LRRTM4: variants seen among roughly 807,000 people sequenced by gnomAD.
LRRTM4 encodes leucine-rich repeat transmembrane neuronal protein 4.
In LRRTM4, 25 loss-of-function variants were observed where a neutral mutation model predicts 47.6. That is an observed-to-expected ratio of 0.53 (90% confidence interval 0.38 to 0.73). LRRTM4 has a LOEUF of 0.73. Ranked by LOEUF, LRRTM4 falls within the 30% of genes least tolerant of loss-of-function variation. LRRTM4 has a pLI of 0.00. For missense variants in LRRTM4, 638 were observed against 713.4 expected (o/e 0.89, Z 1.20); for synonymous variants, 311 against 269.5 (o/e 1.15, Z -1.51).
chr2:77,082,216 C>T (rs908685228), intron 3 of LRRTM4, among the ~76,000 whole-genome samples: 1 of 151,906 alleles, frequency 6.6e-6, no homozygotes, highest in Non-Finnish European at 1.5e-5. Context: ...TTGATGTGCC[C>T]TTTTGGATTT....
chr2:77,336,611 A>G (rs1415803131), intron 3 of LRRTM4, among the ~76,000 whole-genome samples: 8 of 152,136 alleles, frequency 5.3e-5, no homozygotes, highest in African/African-American at 1.9e-4. Flanking sequence ...TAAAAGCAAA[A>G]AGCTATATGC....
intron 3 of LRRTM4, among the ~76,000 whole-genome samples, chr2:77,289,678 G>T (rs866884031): frequency 6.6e-6 from 1 of 151,918 alleles, no homozygotes; most frequent in African/African-American, 2.4e-5. Context: ...TCTATTTCTG[G>T]CTACAATGTA....
intron 3 of LRRTM4, among the ~76,000 whole-genome samples, chr2:77,290,304 T>A (rs763501878): frequency 6.6e-6 from 1 of 151,886 alleles, no homozygotes; most frequent in South Asian, 2.1e-4. Flanking sequence ...GAAGTTCTAT[T>A]TGACATATGT....
intron 3 of LRRTM4, among the ~76,000 whole-genome samples, chr2:77,144,134 A>G (rs1295638783): frequency 1.3e-5 from 2 of 152,146 alleles, no homozygotes; most frequent in Non-Finnish European, 2.9e-5. Flanking sequence ...CTCTGGAGCT[A>G]GAATGCTATT....
chr2:77,410,268 A>G (rs939204791), intron 3 of LRRTM4, among the ~76,000 whole-genome samples: 2 of 152,110 alleles, frequency 1.3e-5, no homozygotes, highest in African/African-American at 4.8e-5. Flanking sequence ...AGGTGTAACT[A>G]GAGTCTGATA....
chr2:77,459,478 C>T (rs181545923), intron 3 of LRRTM4, among the ~76,000 whole-genome samples: 118 of 151,998 alleles, frequency 7.8e-4, no homozygotes, highest in African/African-American at 2.7e-3. Flanking sequence ...CTTAATAAAA[C>T]ACAAATTTAG....
intron 3 of LRRTM4, among the ~76,000 whole-genome samples, chr2:77,504,012 T>C (rs1309773915): frequency 6.6e-6 from 1 of 151,598 alleles, no homozygotes; most frequent in African/African-American, 2.4e-5. Flanking sequence ...TGGGGTAGAA[T>C]CTTTTGTAAA....
intron 3 of LRRTM4, among the ~76,000 whole-genome samples, chr2:77,344,975 TAG>T (rs1260953615): frequency 3.3e-5 from 5 of 151,484 alleles, no homozygotes; most frequent in African/African-American, 1.2e-4. Flanking sequence ...ATTATATAAA[TAG>T]ATAGGGAAAT....
chr2:77,303,525 C>T (rs987983930), intron 3 of LRRTM4, among the ~76,000 whole-genome samples: 27 of 152,238 alleles, frequency 1.8e-4, no homozygotes, highest in African/African-American at 6.5e-4. Context: ...TGATTGCTGG[C>T]TCAGACTTTA....
chr2:77,382,671 C>G (rs1417106809), intron 3 of LRRTM4, among the ~76,000 whole-genome samples: 2 of 152,066 alleles, frequency 1.3e-5, no homozygotes, highest in Non-Finnish European at 2.9e-5. Context: ...GATAAAATGA[C>G]CTTTTACCTA....
At chr2:77,319,231 C>CA (rs1457477955) in intron 3 of LRRTM4, among the ~76,000 whole-genome samples, 12 of 151,872 alleles carry the variant, frequency 7.9e-5, no homozygotes, top group African/African-American at 2.9e-4. Context: ...ACTAAAAATA[C>CA]AAAAAATCAG....
chr2:76,798,300 T>C, intron 3 of LRRTM4, among the ~76,000 whole-genome samples: 1 of 151,980 alleles, frequency 6.6e-6, no homozygotes, highest in East Asian at 1.9e-4. Context: ...AGAATCTCAC[T>C]CAAAACCACT....
At chr2:77,313,852 C>T (rs546478726) in intron 3 of LRRTM4, among the ~76,000 whole-genome samples, 1 of 152,208 alleles carries the variant, frequency 6.6e-6, no homozygotes, top group South Asian at 2.1e-4. Flanking sequence ...CCTTAGGAAA[C>T]CACACCCCAC....
intron 3 of LRRTM4, among the ~76,000 whole-genome samples, chr2:77,069,017 C>T (rs931920812): frequency 2.0e-5 from 3 of 152,290 alleles, no homozygotes; most frequent in East Asian, 3.9e-4. Context: ...CCCATCCCTT[C>T]GTTTCCCATA....
At chr2:76,772,632 T>C (rs906727986) in intron 3 of LRRTM4, among the ~76,000 whole-genome samples, 1 of 152,148 alleles carries the variant, frequency 6.6e-6, no homozygotes, top group African/African-American at 2.4e-5. Context: ...CTTAGAAAAC[T>C]TACAATTTGA....
intron 3 of LRRTM4, among the ~76,000 whole-genome samples, chr2:77,111,290 T>A (rs796175118): frequency 8.1e-6 from 1 of 123,902 alleles, no homozygotes; most frequent in East Asian, 2.9e-4. Flanking sequence ...GCTATTTTTT[T>A]TTTTTTTTTT....
At chr2:76,834,445 T>C (rs1573186054) in intron 3 of LRRTM4, among the ~76,000 whole-genome samples, 2 of 152,206 alleles carry the variant, frequency 1.3e-5, no homozygotes, top group Admixed American at 1.3e-4. Context: ...TAAATTATTC[T>C]TCAATGAGAA....
At chr2:77,415,944 T>C (rs911892965) in intron 3 of LRRTM4, among the ~76,000 whole-genome samples, 13 of 152,222 alleles carry the variant, frequency 8.5e-5, no homozygotes, top group African/African-American at 2.9e-4. Context: ...AATCCAAACA[T>C]GATGGATTTA....
At chr2:76,984,071 C>T (rs1476712512) in intron 3 of LRRTM4, among the ~76,000 whole-genome samples, 1 of 151,904 alleles carries the variant, frequency 6.6e-6, no homozygotes. Context: ...GTTACCTAAA[C>T]AATGATGAAT....
Sources: allele counts gnomAD v4.1 joint callset (sites outside exome capture counted in the v4.1 genomes callset), GRCh38; gene constraint gnomAD v4.1.1; transcripts MANE v1.5; gene names NCBI Gene and HGNC (gene_info 2026-07-23, HGNC 2026-07-21).